Variants in KCNJ16 observed in about 807,000 individuals in gnomAD.
KCNJ16 encodes the protein potassium inwardly rectifying channel subfamily J member 16, also known as inward rectifier potassium channel 16.
KCNJ16 carries 15 observed loss-of-function variants against 18.5 expected under a neutral mutation model. That is an observed-to-expected ratio of 0.81 (90% confidence interval 0.54 to 1.25). KCNJ16 has a LOEUF of 1.25. KCNJ16 is among the 50% of genes most tolerant of loss of function. The pLI is 0.00. For missense variants in KCNJ16, 523 were observed against 525.7 expected (o/e 0.99, Z 0.05); for synonymous variants, 174 against 186.5 (o/e 0.93, Z 0.55).
chr17:70,079,415 T>C (rs2071454751), intron 1 of KCNJ16, among the ~76,000 whole-genome samples: 1 of 152,194 alleles, frequency 6.6e-6, no homozygotes, highest in Non-Finnish European at 1.5e-5. Context: ...TGTATCTTCC[T>C]AGCAATATCC....
chr17:70,076,444 C>T (rs1398296498), intron 1 of KCNJ16, among the ~76,000 whole-genome samples: 2 of 39,598 alleles, frequency 5.1e-5, no homozygotes, highest in East Asian at 0.015. Context: ...GTCCAGAGTT[C>T]AATTCAAATC....
At chr17:70,131,010 GA>G in intron 3 of KCNJ16, 35 bp downstream of exon 3, 1 of 1,530,978 alleles carries the variant, frequency 6.5e-7, no homozygotes, top group South Asian at 1.2e-5. Flanking sequence ...ATGTTTTCAA[GA>G]CTGAATTTGG....
intron 2 of KCNJ16, among the ~76,000 whole-genome samples, chr17:70,110,123 C>T (rs988192230): frequency 9.2e-5 from 14 of 152,262 alleles, no homozygotes; most frequent in African/African-American, 3.4e-4. Flanking sequence ...ATTCTTTTAT[C>T]TCTAATTTGA....
chr17:70,094,000 A>C (rs2143747752), intron 1 of KCNJ16, among the ~76,000 whole-genome samples: 1 of 152,278 alleles, frequency 6.6e-6, no homozygotes, highest in East Asian at 1.9e-4. Context: ...TTAATGATGG[A>C]TTAGGAAAGG....
At chr17:70,082,003 GAATTGAAC>G (rs1178980387) in intron 1 of KCNJ16, among the ~76,000 whole-genome samples, 3 of 152,146 alleles carry the variant, frequency 2.0e-5, no homozygotes, top group Non-Finnish European at 4.4e-5. Context: ...TTGGCTTCAT[GAATTGAAC>G]AAATGTTCTT....
chr17:70,088,021 CAAAAA>C (rs10661960), intron 1 of KCNJ16, among the ~76,000 whole-genome samples: 1 of 79,456 alleles, frequency 1.3e-5, no homozygotes, highest in Non-Finnish European at 2.2e-5. Flanking sequence ...GACTCTGTCT[CAAAAA>C]AAAAAAAAAA....
rs755171685 is a variant in KCNJ16, at chr17:70,132,121, A to C, written c.34A>C (p.Asn12His). The C allele has an allele frequency of 3.1e-5, 50 of 1,614,108 alleles. No homozygotes were observed. The highest frequency in any genetic ancestry group is 4.2e-5 in the Non-Finnish European group (49 of 1,180,038). Residue 12 changes from asparagine to histidine, a missense_variant, in exon 4 of 4, where the codon AAT becomes CAT. Coordinates refer to ENST00000392671, the MANE Select transcript of KCNJ16 (RefSeq NM_170741.4). ...SYYGSSYHIINADAKYPGYPP... is the reference protein window; with the variant it reads ...SYYGSSYHIIHADAKYPGYPP... The stretch of plus-strand genomic sequence containing the variant: ...TTACGGCAGCAGCTATCATATTATC[A>C]ATGCGGACGCAAAATACCCAGGCTA...
At position 70,132,808 on chromosome 17, in the gene KCNJ16, G is replaced by C. The variant is rs776617037; in HGVS notation, c.721G>C (p.Val241Leu). 1.2e-6 allele frequency: 2 copies of C among 1,613,962 alleles called. No individual in the cohort carries two copies. Among genetic ancestry groups the C allele is most frequent in the Non-Finnish European group, 1.7e-6 (2 of 1,180,042 alleles). Reference protein sequence around the residue: ...MTMAFKDLKLVNDQIILVTPV... With the variant: ...MTMAFKDLKLLNDQIILVTPV... The stretch of plus-strand genomic sequence containing the variant: ...GATGGCATTTAAAGACCTCAAATTA[G>C]TCAACGACCAAATCATCCTGGTCAC... Residue 241 changes from valine (V) to leucine (L), a missense_variant, in exon 4 of 4, where the codon GTC (valine) becomes CTC (leucine). Val to Leu is a conservative substitution (Grantham distance 32, BLOSUM62 1). Transcript: ENST00000392671.
chr17:70,090,454 G>C (rs1244413181), intron 1 of KCNJ16, among the ~76,000 whole-genome samples: 2 of 152,136 alleles, frequency 1.3e-5, no homozygotes, highest in Non-Finnish European at 1.5e-5. Flanking sequence ...TTTCTAGCCT[G>C]AATTATGAGC....
At chr17:70,109,964 C>T (rs2073112062) in intron 2 of KCNJ16, among the ~76,000 whole-genome samples, 1 of 152,162 alleles carries the variant, frequency 6.6e-6, no homozygotes, top group Admixed American at 6.6e-5. Flanking sequence ...TCTGCACCTA[C>T]AATGTCAGGA....
At chr17:70,109,440 G>T (rs1465233611) in intron 2 of KCNJ16, among the ~76,000 whole-genome samples, 1 of 152,094 alleles carries the variant, frequency 6.6e-6, no homozygotes, top group African/African-American at 2.4e-5. Flanking sequence ...TCCATATCTG[G>T]ATCTGTTACT....
At chr17:70,099,747 A>C (rs917039983) in intron 1 of KCNJ16, among the ~76,000 whole-genome samples, 4 of 152,132 alleles carry the variant, frequency 2.6e-5, no homozygotes, top group African/African-American at 9.7e-5. Flanking sequence ...AAGGAGAAGA[A>C]AAAAATAATT....
At chr17:70,102,407 T>C (rs1450642057) in intron 2 of KCNJ16, among the ~76,000 whole-genome samples, 4 of 150,558 alleles carry the variant, frequency 2.7e-5, no homozygotes, top group Non-Finnish European at 5.9e-5. Flanking sequence ...TTTGTATCTT[T>C]AGTAGAGACG....
At chr17:70,100,291 C>A (rs1390425359) in intron 1 of KCNJ16, among the ~76,000 whole-genome samples, 1 of 152,174 alleles carries the variant, frequency 6.6e-6, no homozygotes, top group African/African-American at 2.4e-5. Context: ...ATTGTTTTCT[C>A]TATTTCAAAT....
At chr17:70,114,712 G>C (rs2073332267) in intron 2 of KCNJ16, among the ~76,000 whole-genome samples, 1 of 152,260 alleles carries the variant, frequency 6.6e-6, no homozygotes, top group East Asian at 1.9e-4. Context: ...AAGGCAATTA[G>C]ATGCTAAAAC....
intron 2 of KCNJ16, among the ~76,000 whole-genome samples, chr17:70,128,378 G>A (rs1390520305): frequency 6.6e-6 from 1 of 152,158 alleles, no homozygotes; most frequent in Admixed American, 6.5e-5. Flanking sequence ...CGAGAAAAGT[G>A]GTTATCAGGG....
In KCNJ16 at chr17:70,132,198, T is replaced by C. The variant is rs1457754877; in HGVS notation, c.111T>C (p.Leu37=). Residue 37 remains leucine (L), a synonymous_variant, in exon 4 of 4, where the codon CTT becomes CTC. Coordinates refer to ENST00000392671, the MANE Select transcript of KCNJ16 (RefSeq NM_170741.4). ...AEKRRARRRL[L]HKDGSCNVYF... is the part of the protein sequence containing the mutation. ...AGAGAAGAGCAAGAAGACGATTACT[T>C]CACAAAGATGGCAGCTGTAATGTCT... 3 of 1,614,092 alleles carry C rather than the reference T, an allele frequency of 1.9e-6. No individual in the cohort carries two copies. The highest frequency in any genetic ancestry group is 2.5e-6 in the Non-Finnish European group (3 of 1,180,050).
At position 70,087,306 on chromosome 17, in the gene KCNJ16, G is replaced by C. The variant is rs189644973; in HGVS notation, c.-300+11916G>C. The stretch of plus-strand genomic sequence containing the variant: ...AGTGATGTTAGTGTAAGACAGATAG[G>C]GAAACTCAAATTCCAGGGTTTCAAT... On this transcript the variant is annotated intron_variant, in intron 1 of 3. Transcript: ENST00000392671. Among the ~76,000 whole-genome samples, 204 of 152,160 alleles carry C rather than the reference G, an allele frequency of 1.3e-3. 2 individuals carry two copies. The highest frequency in any genetic ancestry group is 4.7e-3 in the African/African-American group (196 of 41,526).
chr17:70,107,582 G>A (rs1457225978), intron 2 of KCNJ16, among the ~76,000 whole-genome samples: 1 of 152,052 alleles, frequency 6.6e-6, no homozygotes, highest in African/African-American at 2.4e-5. Context: ...AAACAGGTCA[G>A]CTAAAATTAA....
Sources: gnomAD v4.1 joint callset for allele counts (sites outside exome capture counted in the v4.1 genomes callset) on GRCh38, gnomAD v4.1.1 for gene constraint, MANE v1.5 for transcripts, NCBI Gene and HGNC (gene_info 2026-07-23, HGNC 2026-07-21) for gene names.